Variants in NRDC observed in about 807,000 individuals in gnomAD.
The protein encoded by NRDC is nardilysin convertase, also known as nardilysin.
NRDC carries 54 observed loss-of-function variants against 147.1 expected under a neutral mutation model. The ratio of observed to expected loss-of-function variants is 0.37; its 90% CI spans 0.29 to 0.46. NRDC has a LOEUF of 0.46. Among genes scored for constraint, NRDC ranks in the 20% least tolerant of loss-of-function variants. NRDC has a pLI of 1.00. For synonymous variants in NRDC, 440 were observed against 482.1 expected, an observed-to-expected ratio of 0.91 and a Z score of 1.14; for missense variants, 1,082 against 1,370.6, an observed-to-expected ratio of 0.79 and a Z score of 3.33.
intron 1 of NRDC, among the ~76,000 whole-genome samples, chr1:51,875,396 T>C (rs529521407): frequency 2.7e-4 from 41 of 152,310 alleles, no homozygotes; most frequent in South Asian, 2.1e-4. Flanking sequence ...GCAAAAGCCA[T>C]ATAAAGACAA....
chr1:51,799,713 A>G (rs1679098182), intron 21 of NRDC, among the ~76,000 whole-genome samples: 1 of 152,192 alleles, frequency 6.6e-6, no homozygotes, highest in African/African-American at 2.4e-5. Context: ...TGATTCACGC[A>G]AAAGTATCCT....
chr1:51,859,231 TATA>T (rs1427908017), intron 1 of NRDC, among the ~76,000 whole-genome samples: 1 of 152,242 alleles, frequency 6.6e-6, no homozygotes, highest in Non-Finnish European at 1.5e-5. Context: ...TTATGTAAGC[TATA>T]ATATCTGCTT....
chr1:51,820,081 G>A (rs188245931), intron 8 of NRDC, among the ~76,000 whole-genome samples: 31 of 152,134 alleles, frequency 2.0e-4, no homozygotes, highest in Non-Finnish European at 1.0e-4. Flanking sequence ...TAACTCAAAA[G>A]TCTTTACAAC....
chr1:51,865,837 G>A (rs976771484), intron 1 of NRDC, among the ~76,000 whole-genome samples: 1 of 151,622 alleles, frequency 6.6e-6, no homozygotes, highest in Non-Finnish European at 1.5e-5. Flanking sequence ...GGATCAGGAG[G>A]TCAGGAGAAC....
intron 1 of NRDC, among the ~76,000 whole-genome samples, chr1:51,871,394 A>T (rs1219594266): frequency 4.0e-5 from 6 of 151,634 alleles, no homozygotes; most frequent in Non-Finnish European, 8.8e-5. Flanking sequence ...TTCCTTTGAA[A>T]CTGCTTTCAC....
intron 1 of NRDC, among the ~76,000 whole-genome samples, chr1:51,863,029 A>AAC (rs1276526717): frequency 2.7e-5 from 4 of 150,334 alleles, no homozygotes; most frequent in African/African-American, 9.7e-5. Flanking sequence ...AAAAAAAAAA[A>AAC]AAAAAAAAAC....
chr1:51,852,981 T>C (rs1682050441), intron 1 of NRDC, among the ~76,000 whole-genome samples: 1 of 152,012 alleles, frequency 6.6e-6, no homozygotes, highest in African/African-American at 2.4e-5. Flanking sequence ...CCCAGCACTT[T>C]GGGAGGCCGA....
intron 8 of NRDC, among the ~76,000 whole-genome samples, chr1:51,820,339 T>C (rs902114002): frequency 3.9e-5 from 6 of 152,196 alleles, no homozygotes; most frequent in African/African-American, 1.4e-4. Context: ...GTTGAAGATA[T>C]TGTAACTTTA....
chr1:51,795,174 T>A, intron 22 of NRDC: 1 of 1,350,972 alleles, frequency 7.4e-7, no homozygotes, highest in Non-Finnish European at 9.7e-7. Context: ...CAACATGGAC[T>A]ATGTTTCAGA....
chr1:51,801,491 G>A (rs538348980), intron 20 of NRDC, among the ~76,000 whole-genome samples: 2 of 152,036 alleles, frequency 1.3e-5, no homozygotes, highest in Non-Finnish European at 2.9e-5. Context: ...TACTATGGGG[G>A]AGAAAAAGCC....
intron 23 of NRDC, 26 bp from the exon 24 acceptor site, chr1:51,794,636 T>G: frequency 6.2e-7 from 1 of 1,611,292 alleles, no homozygotes; most frequent in African/African-American, 1.3e-5. Context: ...TATGGGTCAC[T>G]GAGGCACCCA....
intron 14 of NRDC, among the ~76,000 whole-genome samples, chr1:51,813,705 C>A (rs1168040014): frequency 1.3e-5 from 2 of 152,188 alleles, no homozygotes; most frequent in Non-Finnish European, 2.9e-5. Context: ...AATGTCTTCA[C>A]AATATTTGAA....
rs985150665 is a variant in NRDC at position 51,811,227 on chromosome 1, G to A, written c.1779+767C>T. ...TCTTTAAAATTAATAGTTTAGGAAC[G>A]TCTATGCTAAAATATCTCAAGGAAT... On this transcript the variant is annotated intron_variant, in intron 15 of 30. Coordinates refer to ENST00000352171, the MANE Select transcript of NRDC (RefSeq NM_001101662.2). Among the ~76,000 whole-genome samples, 5 of 152,218 alleles carry A rather than the reference G, an allele frequency of 3.3e-5. No homozygotes were observed. The South Asian group carries it at 8.3e-4, about 25-fold the overall frequency.
chr1:51,839,230 GCTCA>G (rs1399762193), intron 2 of NRDC, among the ~76,000 whole-genome samples: 2 of 141,698 alleles, frequency 1.4e-5, no homozygotes, highest in African/African-American at 5.3e-5. Context: ...TGTAATCAAA[GCTCA>G]CTGCAACCTT....
chr1:51,792,001 C>T, intron 26 of NRDC, 45 bp downstream of exon 26: 3 of 1,601,432 alleles, frequency 1.9e-6, no homozygotes, highest in Non-Finnish European at 2.6e-6. Context: ...GCAAAGTAAG[C>T]CCTAGGCCCT....
intron 10 of NRDC, 27 bp from the exon 11 acceptor site, chr1:51,816,416 GAA>G: frequency 7.0e-7 from 1 of 1,428,842 alleles, no homozygotes; most frequent in Non-Finnish European, 9.5e-7. Context: ...ATGGTCAGAA[GAA>G]AAAAACAAAA....
intron 9 of NRDC, among the ~76,000 whole-genome samples, chr1:51,819,100 G>A (rs1223040332): frequency 1.3e-5 from 2 of 152,054 alleles, no homozygotes; most frequent in Non-Finnish European, 2.9e-5. Flanking sequence ...CCAGGAGTTC[G>A]AGACCAGCCT....
chr1:51,855,468 T>TA (rs71777465), intron 1 of NRDC, among the ~76,000 whole-genome samples: 13,993 of 150,430 alleles, frequency 0.093, 1,228 homozygotes, highest in African/African-American at 0.23. Flanking sequence ...CCAAACAAGA[T>TA]AAAAAATCCA....
At chr1:51,817,693 C>T (rs1680034065) in intron 10 of NRDC, among the ~76,000 whole-genome samples, 1 of 152,188 alleles carries the variant, frequency 6.6e-6, no homozygotes, top group Admixed American at 6.5e-5. Flanking sequence ...AGGTGTGTGC[C>T]ACCACGCCTT....
Sources: allele counts gnomAD v4.1 joint callset (sites outside exome capture counted in the v4.1 genomes callset), GRCh38; gene constraint gnomAD v4.1.1; transcripts MANE v1.5; gene names NCBI Gene and HGNC (gene_info 2026-07-23, HGNC 2026-07-21).